The following CPNE2 variants were observed in gnomAD, a reference collection of about 807,000 sequenced individuals.
CPNE2 encodes the protein copine-2.
In CPNE2, 42 loss-of-function variants were observed where a neutral mutation model predicts 69.7. The ratio of observed to expected loss-of-function variants is 0.60; its 90% confidence interval spans 0.47 to 0.78. The LOEUF (loss-of-function observed/expected upper bound fraction) is 0.78. CPNE2 is among the 30% of genes least tolerant of loss of function. The pLI, the probability that CPNE2 is intolerant of heterozygous loss-of-function variation, is 0.00. For missense variants in CPNE2, 587 were observed against 732.0 expected (o/e 0.80, Z 2.29); for synonymous variants, 294 against 289.8 (o/e 1.01, Z -0.15).
At chr16:57,139,386 G>T (rs1467916309) in intron 14 of CPNE2, among the ~76,000 whole-genome samples, 1 of 152,216 alleles carries the variant, frequency 6.6e-6, no homozygotes, top group Middle Eastern at 3.2e-3. Context: ...TCACAGTAGT[G>T]ACATCCCCAA....
rs1161356652 is a variant in CPNE2, at chr16:57,123,500, T to G, written c.927+27T>G. Reference sequence around the variant, plus strand: ...TAAGGCTCTCCCCGCTGGCTCCCTCTGCACCCCCATCCCAGTGAGGGTCCT... The same window carrying G: ...TAAGGCTCTCCCCGCTGGCTCCCTCGGCACCCCCATCCCAGTGAGGGTCCT... On this transcript the variant is annotated intron_variant, in intron 10 of 15. Coordinates refer to ENST00000290776, the MANE Select transcript of CPNE2 (RefSeq NM_152727.6). 3 of 1,610,442 alleles carry G rather than the reference T, an allele frequency of 1.9e-6. No homozygotes were observed. In the South Asian group the frequency reaches 3.3e-5, roughly 18 times the overall value.
chr16:57,143,533 C>A (rs1290363331), intron 14 of CPNE2: 1 of 152,614 alleles, frequency 6.6e-6, no homozygotes, highest in South Asian at 2.1e-4. Context: ...GCCCCAGCTT[C>A]GGAGTCAGCC....
At chr16:57,111,050 T>A in intron 2 of CPNE2, 128 bp downstream of exon 2, 1 of 599,278 alleles carries the variant, frequency 1.7e-6, no homozygotes, top group South Asian at 5.7e-5. Flanking sequence ...TGGCAGGGGA[T>A]TACTTGGTAA....
chr16:57,137,169 GCGTA>G lies in CPNE2; in HGVS notation c.1191_1194del (p.Tyr398GlnfsTer265). ...GGCAGGTGTGGATGGTATTGCCCAG[GCGTA>G]CTCAGCTTGCCTGCCCCACATCCGC... On this transcript the variant is annotated frameshift_variant, in exon 14 of 16. Coordinates refer to ENST00000290776, the MANE Select transcript of CPNE2 (RefSeq NM_152727.6). LOFTEE classifies it high-confidence loss of function. The G allele has an allele frequency of 6.2e-7, 1 of 1,614,164 alleles. No individual in the cohort carries two copies. The highest frequency in any genetic ancestry group is 8.5e-7 in the Non-Finnish European group (1 of 1,180,034).
chr16:57,129,553 C>T (rs2069823531), intron 12 of CPNE2, among the ~76,000 whole-genome samples: 1 of 152,194 alleles, frequency 6.6e-6, no homozygotes, highest in Non-Finnish European at 1.5e-5. Flanking sequence ...CACAGTGGCT[C>T]ACGCCTATAA....
At chr16:57,134,192 G>C (rs1251362641) in intron 12 of CPNE2, among the ~76,000 whole-genome samples, 2 of 152,162 alleles carry the variant, frequency 1.3e-5, no homozygotes, top group Non-Finnish European at 2.9e-5. Context: ...CAGAGAAGCA[G>C]GATGAGTCCC....
chr16:57,119,756 G>A lies in CPNE2; in HGVS notation c.681+106G>A, dbSNP rs560464150. 1.7e-4 allele frequency: 118 copies of A among 698,914 alleles called. No individual in the cohort carries two copies. The South Asian group carries it at 2.2e-3, about 13-fold the overall frequency. The allele number at this position is 698,914 out of a possible 1,614,324, so 43.3% of individuals were successfully genotyped here. ...GTAGAAAGCTCTTTCTCATACAAGT[G>A]GAACGAACCCCCATCTTTGGAGGAG... On this transcript the variant is annotated intron_variant, in intron 7 of 15. Transcript: ENST00000290776.
chr16:57,124,020 T>C, intron 10 of CPNE2: 1 of 175,910 alleles, frequency 5.7e-6, no homozygotes, highest in South Asian at 1.2e-4. Flanking sequence ...GAGCCCTCCC[T>C]CCCTCAATGC....
intron 1 of CPNE2, among the ~76,000 whole-genome samples, chr16:57,109,448 C>T (rs1396718251): frequency 2.0e-5 from 3 of 150,582 alleles, no homozygotes; most frequent in African/African-American, 7.4e-5. Flanking sequence ...TGCACTTCAG[C>T]CTGGGTGACA....
chr16:57,125,492 G>A (rs1275887043), intron 10 of CPNE2: 5 of 389,968 alleles, frequency 1.3e-5, no homozygotes, highest in South Asian at 1.8e-5. Flanking sequence ...AAAGTTAGAC[G>A]GGAAGAAACG....
chr16:57,132,626 A>T (rs11861384), intron 12 of CPNE2, among the ~76,000 whole-genome samples: 5,726 of 152,278 alleles, frequency 0.038, 242 homozygotes, highest in South Asian at 0.14. Flanking sequence ...TGTGGCTGGC[A>T]GCCAGTCCCC....
At chr16:57,139,521 T>G (rs977553991) in intron 14 of CPNE2, among the ~76,000 whole-genome samples, 2 of 152,230 alleles carry the variant, frequency 1.3e-5, no homozygotes, top group Admixed American at 1.3e-4. Context: ...AGGGTCTTTT[T>G]GGGAATGGGC....
At chr16:57,137,919 C>T (rs1421221388) in intron 14 of CPNE2, among the ~76,000 whole-genome samples, 1 of 152,226 alleles carries the variant, frequency 6.6e-6, no homozygotes, top group Non-Finnish European at 1.5e-5. Flanking sequence ...CTCCCCATTT[C>T]CACCATGACC....
At chr16:57,122,571 G>GTCTTTCTTC (rs1186265237) in intron 9 of CPNE2, among the ~76,000 whole-genome samples, 1 of 152,128 alleles carries the variant, frequency 6.6e-6, no homozygotes, top group African/African-American at 2.4e-5. Flanking sequence ...TTTTGAATCA[G>GTCTTTCTTC]TCTTTCTTCC....
At chr16:57,114,934 CAAAAAAAAAAAAAAAAA>C (rs55845635) in intron 3 of CPNE2, among the ~76,000 whole-genome samples, 3 of 39,050 alleles carry the variant, frequency 7.7e-5, no homozygotes, top group Non-Finnish European at 1.4e-4. Context: ...TTGTCTCTAC[CAAAAAAAAAAAAAAAAA>C]AAAAAAAAAG....
chr16:57,107,865 C>CTT lies in CPNE2; in HGVS notation c.-35-2821_-35-2820dup, dbSNP rs11347830. Among the ~76,000 whole-genome samples, 658 of 98,704 alleles carry CTT rather than the reference C, an allele frequency of 6.7e-3. 8 individuals are homozygous for CTT. Among genetic ancestry groups the CTT allele is most frequent in the African/African-American group, 0.017 (411 of 24,772 alleles). 64.8% of individuals were successfully genotyped at this position (98,704 alleles called of 152,430 possible). A position where few individuals can be genotyped will look rare whatever the true frequency, so the allele number is the denominator to read the frequency against. On this transcript the variant is annotated intron_variant, in intron 1 of 15. Coordinates refer to ENST00000290776, the MANE Select transcript of CPNE2 (RefSeq NM_152727.6). ...CCTGCACGGGCTAAGACAGAGCAAT[C>CTT]TTTTTTTTTTTTTTTTTTTTTTTGA...
chr16:57,119,996 A>G (rs1461520434), intron 7 of CPNE2, among the ~76,000 whole-genome samples: 2 of 152,160 alleles, frequency 1.3e-5, no homozygotes, highest in Non-Finnish European at 2.9e-5. Context: ...CCTCTGGCTG[A>G]GTGCAGTGTC....
rs1227487459 is a variant in CPNE2 at position 57,130,727 on chromosome 16, G to T, written c.1116+2824G>T. Among the ~76,000 whole-genome samples the T allele has an allele frequency of 2.0e-5, 3 of 152,092 alleles. No homozygotes were observed. Among genetic ancestry groups the T allele is most frequent in the Non-Finnish European group, 4.4e-5 (3 of 68,028 alleles). On this transcript the variant is annotated intron_variant, in intron 12 of 15. Transcript: ENST00000290776. The surrounding 1 kb of genome is among the most constrained non-coding windows in gnomAD (Gnocchi z 4.1). ...GAGACCATCCGTTTCACTGACCATGGCTGGGGCCATTATGGCAGAGACAAG... is the reference window on the plus strand; with the variant it reads ...GAGACCATCCGTTTCACTGACCATGTCTGGGGCCATTATGGCAGAGACAAG...
At chr16:57,126,112 C>A in intron 11 of CPNE2, 119 bp downstream of exon 11, 2 of 1,297,450 alleles carry the variant, frequency 1.5e-6, no homozygotes, top group Non-Finnish European at 1.1e-6. Context: ...CAGCAAATGG[C>A]ATAGGTGCAG....
Sources: allele counts gnomAD v4.1 joint callset (sites outside exome capture counted in the v4.1 genomes callset), GRCh38; gene constraint gnomAD v4.1.1; non-coding constraint Gnocchi (gnomAD v3.1); transcripts MANE v1.5; gene names NCBI Gene and HGNC (gene_info 2026-07-23, HGNC 2026-07-21).